The following STT3B variants were observed in gnomAD, a reference collection of about 807,000 sequenced individuals.
STT3B encodes STT3 oligosaccharyltransferase complex catalytic subunit B.
A neutral mutation model predicts 96.8 loss-of-function variants in STT3B; 29 were observed. The observed-to-expected ratio is 0.30, with a 90% CI of 0.22 to 0.41. The LOEUF (loss-of-function observed/expected upper bound fraction) is 0.41. STT3B is among the 10% of genes least tolerant of loss of function. The probability of loss-of-function intolerance (pLI) is 1.00; values close to 1 mark genes in which losing one functional copy is unlikely to be tolerated. For synonymous variants in STT3B, 367 were observed against 360.0 expected (o/e 1.02, Z -0.22); for missense variants, 640 against 1,022.3 (o/e 0.63, Z 5.10).
chr3:31,606,228 C>T (rs2125466639), intron 5 of STT3B, among the ~76,000 whole-genome samples: 1 of 152,272 alleles, frequency 6.6e-6, no homozygotes, highest in South Asian at 2.1e-4. Context: ...AAAGCAGAAC[C>T]CATTCTCTGA....
At chr3:31,614,236 A>C (rs970156473) in intron 5 of STT3B, among the ~76,000 whole-genome samples, 3 of 151,982 alleles carry the variant, frequency 2.0e-5, no homozygotes, top group African/African-American at 7.2e-5. Context: ...GCCAAAAACT[A>C]TTAAATGATG....
chr3:31,562,014 C>T (rs536905240), intron 1 of STT3B, among the ~76,000 whole-genome samples: 1 of 152,178 alleles, frequency 6.6e-6, no homozygotes, highest in South Asian at 2.1e-4. Flanking sequence ...GTCTTTTGGA[C>T]CCAGTGGTGG....
intron 3 of STT3B, among the ~76,000 whole-genome samples, chr3:31,588,554 TAC>T (rs1203366408): frequency 1.3e-5 from 2 of 152,100 alleles, no homozygotes; most frequent in Non-Finnish European, 2.9e-5. Context: ...TCTGTTGGAA[TAC>T]AGTTTTCATG....
At chr3:31,578,767 T>G (rs1403166731) in intron 2 of STT3B, among the ~76,000 whole-genome samples, 1 of 152,102 alleles carries the variant, frequency 6.6e-6, no homozygotes, top group East Asian at 1.9e-4. Context: ...GGGGAAAAAT[T>G]TCCTGCTATT....
intron 3 of STT3B, among the ~76,000 whole-genome samples, chr3:31,592,188 T>C (rs190241371): frequency 5.3e-4 from 80 of 152,336 alleles, no homozygotes; most frequent in Admixed American, 7.2e-4. Flanking sequence ...GACTAAATAC[T>C]TCACATAGGT....
intron 14 of STT3B, among the ~76,000 whole-genome samples, chr3:31,630,779 C>T (rs375470934): frequency 2.1e-5 from 3 of 142,790 alleles, no homozygotes; most frequent in East Asian, 2.1e-4. Flanking sequence ...CAAGTTTTAC[C>T]GTGTTTTTTT....
Position 31,635,510 on chromosome 3 carries a change from T to C in STT3B, c.2401-474T>C, listed in dbSNP as rs1575452084. Among the ~76,000 whole-genome samples, 3 of 152,352 alleles carry C rather than the reference T, an allele frequency of 2.0e-5. No individual in the cohort carries two copies. The South Asian group carries it at 6.2e-4, about 32-fold the overall frequency. On this transcript the variant is annotated intron_variant, in intron 15 of 15. Transcript: ENST00000295770. ...TTTTAGAGAATGTGCCAAGTGATTA[T>C]ATCTCTCATTTTTGTAGATGGTTAC... is the stretch of plus-strand genomic sequence containing the variant.
chr3:31,540,216 T>C (rs1038879492), intron 1 of STT3B, among the ~76,000 whole-genome samples: 4 of 152,138 alleles, frequency 2.6e-5, no homozygotes, highest in Non-Finnish European at 4.4e-5. Flanking sequence ...AATAGAGCTT[T>C]TGTGTGAAGC....
At position 31,612,712 on chromosome 3, in the gene STT3B, C is replaced by T. The variant is rs561125711; in HGVS notation, c.878-2393C>T. Among the ~76,000 whole-genome samples the T allele has an allele frequency of 2.0e-5, 3 of 152,186 alleles. No individual in the cohort carries two copies. The East Asian group carries it at 5.8e-4, about 29-fold the overall frequency. Reference sequence around the variant, plus strand: ...GGAAGTGCTGAATTGAGAGTATTATCGGGTCTCCTCTTTTCAAATACGCCT... The same window carrying T: ...GGAAGTGCTGAATTGAGAGTATTATTGGGTCTCCTCTTTTCAAATACGCCT... On this transcript the variant is annotated intron_variant, in intron 5 of 15. Transcript: ENST00000295770.
intron 1 of STT3B, among the ~76,000 whole-genome samples, chr3:31,572,020 T>C (rs1026149463): frequency 2.4e-4 from 11 of 45,108 alleles, no homozygotes; most frequent in African/African-American, 4.1e-4. Flanking sequence ...TTAAACATAT[T>C]AATATATATT....
At chr3:31,624,703 A>C (rs1011448006) in intron 11 of STT3B, among the ~76,000 whole-genome samples, 45 of 150,194 alleles carry the variant, frequency 3.0e-4, no homozygotes, top group Non-Finnish European at 3.8e-4. Flanking sequence ...CAAGATATGC[A>C]GGTGGTTTGT....
intron 1 of STT3B, among the ~76,000 whole-genome samples, chr3:31,544,718 CT>C (rs1697358213): frequency 6.6e-6 from 1 of 152,146 alleles, no homozygotes; most frequent in African/African-American, 2.4e-5. Flanking sequence ...AATCCCAGCA[CT>C]TGGGAGGCCG....
intron 4 of STT3B, among the ~76,000 whole-genome samples, chr3:31,598,009 T>C (rs1238581439): frequency 2.6e-5 from 4 of 151,898 alleles, no homozygotes; most frequent in African/African-American, 7.3e-5. Context: ...CTAATTTTTG[T>C]ATTTTTAGTA....
At chr3:31,533,510 G>A (rs1697002246) in intron 1 of STT3B, 198 bp downstream of exon 1, 1 of 592,426 alleles carries the variant, frequency 1.7e-6, no homozygotes, top group South Asian at 5.9e-5. Flanking sequence ...GCAGCCTGAG[G>A]CGGGGCGTCG....
intron 1 of STT3B, among the ~76,000 whole-genome samples, chr3:31,561,328 A>C (rs1171459673): frequency 1.3e-5 from 2 of 152,092 alleles, no homozygotes; most frequent in African/African-American, 4.8e-5. Flanking sequence ...TTTATGGGAT[A>C]CGTGAGATAT....
intron 1 of STT3B, among the ~76,000 whole-genome samples, chr3:31,550,300 G>T (rs1186364419): frequency 6.6e-6 from 1 of 152,180 alleles, no homozygotes; most frequent in African/African-American, 2.4e-5. Flanking sequence ...TAGCTCTAAG[G>T]AGTCTTCAAG....
intron 15 of STT3B, 114 bp from the exon 16 acceptor site, chr3:31,635,870 A>G: frequency 1.5e-6 from 1 of 671,964 alleles, no homozygotes. Context: ...TCCAGTCACA[A>G]GAAGAGCAGA....
chr3:31,537,938 C>T (rs1697142910), intron 1 of STT3B, among the ~76,000 whole-genome samples: 1 of 152,174 alleles, frequency 6.6e-6, no homozygotes, highest in African/African-American at 2.4e-5. Context: ...ATATTATTCT[C>T]AAGTGACCAA....
At chr3:31,548,015 T>C (rs1697457637) in intron 1 of STT3B, among the ~76,000 whole-genome samples, 1 of 152,188 alleles carries the variant, frequency 6.6e-6, no homozygotes, top group Non-Finnish European at 1.5e-5. Context: ...TGTAATGAAA[T>C]GCAGAGCATC....
Sources: gnomAD v4.1 joint callset for allele counts (sites outside exome capture counted in the v4.1 genomes callset) on GRCh38, gnomAD v4.1.1 for gene constraint, MANE v1.5 for transcripts, NCBI Gene and HGNC (gene_info 2026-07-23, HGNC 2026-07-21) for gene names.